SRPRB: variants seen among roughly 807,000 people sequenced by gnomAD.
The protein encoded by SRPRB is SRP receptor subunit beta.
Under a neutral mutation model 31.9 loss-of-function variants are expected in SRPRB, and 20 were observed. That is an observed-to-expected ratio of 0.63 (90% confidence interval 0.44 to 0.91). The LOEUF (loss-of-function observed/expected upper bound fraction) is 0.91, where lower values mean the gene tolerates loss of function less well. Among genes scored for constraint, SRPRB ranks in the 40% least tolerant of loss-of-function variants. SRPRB has a pLI of 0.00. For synonymous variants in SRPRB, 146 were observed against 132.8 expected, an observed-to-expected ratio of 1.10 and a Z score of -0.68; for missense variants, 321 against 324.9, an observed-to-expected ratio of 0.99 and a Z score of 0.09.
At chr3:133,790,297 G>A (rs972890792) in intron 1 of SRPRB, 1 of 152,178 alleles carries the variant, frequency 6.6e-6, no homozygotes, top group African/African-American at 2.4e-5. Context: ...GATAGTTCAG[G>A]ATTTCTAGCT....
intron 3 of SRPRB, 147 bp from the exon 4 acceptor site, chr3:133,810,970 G>A (rs1380607634): frequency 9.9e-6 from 7 of 705,726 alleles, no homozygotes; most frequent in Non-Finnish European, 1.3e-5. Context: ...CCAGAACGTT[G>A]ACTAGTGTTT....
At position 133,805,942 on chromosome 3, in the gene SRPRB, C is replaced by T. The variant is rs1350600549; in HGVS notation, c.94C>T (p.Gln32Ter). 3 of 1,614,018 alleles carry T rather than the reference C, an allele frequency of 1.9e-6. No individual in the cohort carries two copies. Among genetic ancestry groups the T allele is most frequent in the East Asian group, 2.2e-5 (1 of 44,864 alleles). The change falls in exon 1 of 7, where the codon CAG becomes TAG. Residue 32 changes from glutamine to a stop codon, truncating the protein, a stop_gained. Coordinates refer to ENST00000678299, the MANE Select transcript of SRPRB (RefSeq NM_001379313.1). LOFTEE classifies it high-confidence loss of function. ...AGACACCTTGCGGCAGGAGCTGCAG[C>T]AGACGGACCCAACGCTGTTGTCAGT... ...YLDTLRQELQQTDPTLLSVVV... is the reference protein window; with the variant it reads ...YLDTLRQELQ
chr3:133,806,383 C>G (rs570935472), intron 1 of SRPRB, among the ~76,000 whole-genome samples: 79 of 152,308 alleles, frequency 5.2e-4, no homozygotes, highest in African/African-American at 1.7e-3. Context: ...TGAGATAGCA[C>G]CTGAGTCCCA....
At chr3:133,813,246 A>C (rs1229045124) in intron 4 of SRPRB, among the ~76,000 whole-genome samples, 1 of 152,230 alleles carries the variant, frequency 6.6e-6, no homozygotes, top group Non-Finnish European at 1.5e-5. Flanking sequence ...CAGTTGTGCT[A>C]TTCCAAACCA....
Position 133,819,692 on chromosome 3 carries a change from G to A in SRPRB, c.742G>A (p.Ala248Thr). 6.2e-7 allele frequency: 1 copy of A among 1,614,162 alleles called. No homozygotes were observed. Among genetic ancestry groups the A allele is most frequent in the Non-Finnish European group, 8.5e-7 (1 of 1,180,024 alleles). The change falls in exon 7 of 7, where the codon GCC becomes ACC. Residue 248 changes from alanine (A) to threonine (T), a missense_variant. Ala to Thr is a moderately conservative substitution (Grantham distance 58). Coordinates refer to ENST00000678299, the MANE Select transcript of SRPRB (RefSeq NM_001379313.1). ...PLKVEFLECS[A>T]KGGRGDVGSA... ...CAAAGTGGAGTTCCTGGAGTGCAGTGCCAAGGGTGGAAGAGGGGACGTGGG... is the reference window on the plus strand; with the variant it reads ...CAAAGTGGAGTTCCTGGAGTGCAGTACCAAGGGTGGAAGAGGGGACGTGGG...
At chr3:133,828,421 A>C, downstream of SRPRB, 1 of 366,964 alleles carries the variant, frequency 2.7e-6, no homozygotes. Context: ...GGTTCTCTAT[A>C]AGTTTACAAA....
At chr3:133,825,006 A>T (rs1240595642), downstream of SRPRB, 2 of 152,210 alleles carry the variant, frequency 1.3e-5, no homozygotes, top group Non-Finnish European at 2.9e-5. Flanking sequence ...GCTCTGCTTC[A>T]CATAGCTGTA....
chr3:133,819,820 G>C lies in SRPRB; in HGVS notation c.*54G>C. 6.5e-7 allele frequency: 1 copy of C among 1,535,490 alleles called. No individual in the cohort carries two copies. The highest frequency in any genetic ancestry group is 8.9e-7 in the Non-Finnish European group (1 of 1,121,906). ...TGTGTGACACACAGTTTTGGAAAAA[G>C]GTCTGTGGTAGTCTGGAGTTGATGA... On this transcript the variant is annotated 3_prime_UTR_variant, in exon 7 of 7. Transcript: ENST00000678299.
At chr3:133,801,323 C>A (rs1935057970), upstream of SRPRB, among the ~76,000 whole-genome samples, 1 of 152,196 alleles carries the variant, frequency 6.6e-6, no homozygotes, top group African/African-American at 2.4e-5. Context: ...TATCGCATGT[C>A]CTTCCTCTGC....
chr3:133,810,927 TC>T, intron 3 of SRPRB, 189 bp from the exon 4 acceptor site: 1 of 485,682 alleles, frequency 2.1e-6, no homozygotes. Context: ...TTTTGCCAGA[TC>T]AGGAACCGTG....
intron 1 of SRPRB, among the ~76,000 whole-genome samples, chr3:133,800,537 T>C (rs1935046924): frequency 6.6e-6 from 1 of 152,360 alleles, no homozygotes; most frequent in East Asian, 1.9e-4. Context: ...TAAGTGTGAC[T>C]GATGGATATA....
In SRPRB at chr3:133,820,194, CTCTGAAGT is replaced by C. The variant is rs1935445968; in HGVS notation, c.*431_*438del. 5.5e-6 allele frequency: 1 copy of C among 182,862 alleles called. No individual in the cohort carries two copies. Among genetic ancestry groups the C allele is most frequent in the Non-Finnish European group, 1.2e-5 (1 of 85,068 alleles). 11.3% of individuals were successfully genotyped at this position (182,862 alleles called of 1,614,324 possible). A position where few individuals can be genotyped will look rare whatever the true frequency, so the allele number is the denominator to read the frequency against. ...TTCCAGTTGCACTATTTCCAGTTGC[CTCTGAAGT>C]TCACAGGCAATACATTGTCTAGTCC... On this transcript the variant is annotated 3_prime_UTR_variant, in exon 7 of 7. Coordinates refer to ENST00000678299, the MANE Select transcript of SRPRB (RefSeq NM_001379313.1).
At chr3:133,806,185 G>C (rs1935154099) in intron 1 of SRPRB, among the ~76,000 whole-genome samples, 183 bp downstream of exon 1, 1 of 152,172 alleles carries the variant, frequency 6.6e-6, no homozygotes, top group South Asian at 2.1e-4. Flanking sequence ...GGCGTTAAGG[G>C]GGATGCCGGG....
At chr3:133,823,520 G>A (rs755870037), downstream of SRPRB, among the ~76,000 whole-genome samples, 1 of 152,292 alleles carries the variant, frequency 6.6e-6, no homozygotes, top group East Asian at 1.9e-4. Context: ...GCTTCCTTGA[G>A]GTGGCAGCAG....
At chr3:133,805,699 C>T (rs569966421), upstream of SRPRB, 8 of 981,292 alleles carry the variant, frequency 8.2e-6, no homozygotes, top group East Asian at 8.9e-5. Context: ...CAGAGAACTA[C>T]AACTCCCATC....
rs1935445564 is a variant in SRPRB at position 133,820,164 on chromosome 3, T to G, written c.*398T>G. The G allele has an allele frequency of 1.1e-5, 2 of 188,568 alleles. No individual in the cohort carries two copies. The highest frequency in any genetic ancestry group is 1.1e-4 in the Admixed American group (2 of 18,812). 11.7% of individuals were successfully genotyped at this position (188,568 alleles called of 1,614,324 possible). A position where few individuals can be genotyped will look rare whatever the true frequency, so the allele number is the denominator to read the frequency against. ...CAAATCCGCCTATGTATGAAGCTAG[T>G]TGATTTCCAGTTGCACTATTTCCAG... On this transcript the variant is annotated 3_prime_UTR_variant, in exon 7 of 7. Transcript: ENST00000678299.
intron 3 of SRPRB, among the ~76,000 whole-genome samples, chr3:133,809,841 CTT>C (rs775764393): frequency 1.1e-4 from 17 of 152,068 alleles, no homozygotes; most frequent in Admixed American, 7.9e-4. Flanking sequence ...GATTAAATAA[CTT>C]AAAATTAATT....
At chr3:133,803,714 G>C (rs965604430), upstream of SRPRB, among the ~76,000 whole-genome samples, 1 of 151,406 alleles carries the variant, frequency 6.6e-6, no homozygotes, top group Middle Eastern at 3.2e-3. Context: ...GCCCAGGCTG[G>C]AGTGCAGTGG....
downstream of SRPRB, chr3:133,824,606 G>C (rs1287330299): frequency 1.3e-5 from 2 of 152,170 alleles, no homozygotes; most frequent in Non-Finnish European, 2.9e-5. Flanking sequence ...CCAAGGTTTT[G>C]GAACACCTAA....
Sources: gnomAD v4.1 joint callset for allele counts (sites outside exome capture counted in the v4.1 genomes callset) on GRCh38, gnomAD v4.1.1 for gene constraint, MANE v1.5 for transcripts, NCBI Gene and HGNC (gene_info 2026-07-23, HGNC 2026-07-21) for gene names.